Variants in AMACR observed in about 807,000 individuals in gnomAD.
The protein encoded by AMACR is 2-methylacyl-CoA racemase.
AMACR carries 18 observed loss-of-function variants against 22.2 expected under a neutral mutation model. The observed-to-expected ratio is 0.81, with a 90% CI of 0.56 to 1.20. The LOEUF (loss-of-function observed/expected upper bound fraction) is 1.20. AMACR is among the 50% of genes most tolerant of loss of function. The pLI is 0.00. For missense variants in AMACR, 499 were observed against 490.6 expected, an observed-to-expected ratio of 1.02 and a Z score of -0.16; for synonymous variants, 213 against 191.3, an observed-to-expected ratio of 1.11 and a Z score of -0.94.
rs533094975 is a variant in AMACR, at chr5:33,988,654, T to C, written c.*439A>G. 3 of 1,252,522 alleles carry C rather than the reference T, an allele frequency of 2.4e-6. No individual in the cohort carries two copies. The highest frequency in any genetic ancestry group is 3.9e-5 in the Admixed American group (1 of 25,936). The allele number at this position is 1,252,522 out of a possible 1,614,324, so 77.6% of individuals were successfully genotyped here. A position where few individuals can be genotyped will look rare whatever the true frequency, so the allele number is the denominator to read the frequency against. On this transcript the variant is annotated 3_prime_UTR_variant, in exon 5 of 5. Transcript: ENST00000335606. ...TGAACACCAAGACAAAAGGCCTGGA[T>C]GCAACCAATCACTCTGTTTCACGTG... is the stretch of plus-strand genomic sequence containing the variant.
chr5:34,007,933 C>T lies in AMACR; in HGVS notation c.87G>A (p.Ala29=). Reference sequence around the variant, plus strand: ...CGGGCCGGTCCACGCGTACCACACGCGCCCCGAAGTCAGCCAGGACCATAG... The same window carrying T: ...CGGGCCGGTCCACGCGTACCACACGTGCCCCGAAGTCAGCCAGGACCATAG... ...FCAMVLADFG[A]RVVRVDRPGS... is the part of the protein sequence containing the mutation. The change falls in exon 1 of 5, where the codon GCG becomes GCA. Residue 29 remains alanine, a synonymous_variant. Coordinates refer to ENST00000335606, the MANE Select transcript of AMACR (RefSeq NM_014324.6). The T allele has an allele frequency of 6.2e-7, 1 of 1,610,326 alleles. No homozygotes were observed. The highest frequency in any genetic ancestry group is 8.5e-7 in the Non-Finnish European group (1 of 1,179,438).
chr5:34,001,946 GAAGA>G (rs1013992298), intron 3 of AMACR, among the ~76,000 whole-genome samples: 1 of 152,156 alleles, frequency 6.6e-6, no homozygotes, highest in African/African-American at 2.4e-5. Flanking sequence ...TATGAACCCA[GAAGA>G]AAGATTACAA....
At position 34,005,661 on chromosome 5, in the gene AMACR, T is replaced by C. The variant is rs887368280; in HGVS notation, c.391+95A>G. 2.7e-6 allele frequency: 4 copies of C among 1,474,216 alleles called. No individual in the cohort carries two copies. In the African/African-American group the frequency reaches 5.6e-5, roughly 21 times the overall value. 91.3% of individuals were successfully genotyped at this position (1,474,216 alleles called of 1,614,324 possible). ...CTCTTGATTGATTCTGATAAATGTT[T>C]AAATTTTTACCTTTACAAATTATTG... On this transcript the variant is annotated intron_variant, in intron 2 of 4. Coordinates refer to ENST00000335606, the MANE Select transcript of AMACR (RefSeq NM_014324.6).
intron 3 of AMACR, among the ~76,000 whole-genome samples, chr5:34,003,156 CTT>C (rs1183511509): frequency 6.6e-6 from 1 of 152,234 alleles, no homozygotes; most frequent in Non-Finnish European, 1.5e-5. Context: ...CCTTGCTTCT[CTT>C]TTCTGCCCAC....
intron 1 of AMACR, 125 bp downstream of exon 1, chr5:34,007,648 C>G (rs1754024527): frequency 1.5e-6 from 2 of 1,366,120 alleles, no homozygotes; most frequent in Non-Finnish European, 1.9e-6. Flanking sequence ...ATCTGGAAGG[C>G]TGGGGCCGAC....
chr5:33,987,404 A>C lies in AMACR; in HGVS notation c.*1689T>G, dbSNP rs910759278. The stretch of plus-strand genomic sequence containing the variant: ...GCATATTCCTGAGCAAATATTTTCA[A>C]CTGGTATTTCTAAAACTGTGCCAAG... On this transcript the variant is annotated 3_prime_UTR_variant, in exon 5 of 5. Coordinates refer to ENST00000335606, the MANE Select transcript of AMACR (RefSeq NM_014324.6). 6.6e-6 allele frequency: 1 copy of C among 152,270 alleles called. No homozygotes were observed. Among genetic ancestry groups the C allele is most frequent in the African/African-American group, 2.4e-5 (1 of 41,478 alleles). 9.4% of individuals were successfully genotyped at this position (152,270 alleles called of 1,614,324 possible).
At chr5:34,006,982 T>C (rs951680871) in intron 1 of AMACR, among the ~76,000 whole-genome samples, 2 of 152,222 alleles carry the variant, frequency 1.3e-5, no homozygotes, top group African/African-American at 4.8e-5. Flanking sequence ...AGAGAAATAG[T>C]CCGAGTGGGC....
At position 34,004,609 on chromosome 5, in the gene AMACR, G is replaced by A. The variant is rs747997206; in HGVS notation, c.517C>T (p.Arg173Cys). The change falls in exon 3 of 5, where the codon CGC becomes TGC. Residue 173 changes from arginine (R) to cysteine (C), a missense_variant. By Grantham distance (180) the Arg-to-Cys change is radical (BLOSUM62 -3). Transcript: ENST00000335606. ...TCAATGACCTGACCCTTGCCAGTGC[G>A]TGTGCGGTCAAAAAGAGCCATTATA... ...GIIMALFDRT[R>C]TGKGQVIDAN... is the part of the protein sequence containing the mutation. 2.5e-5 allele frequency: 41 copies of A among 1,613,940 alleles called. No homozygotes were observed. Among genetic ancestry groups the A allele is most frequent in the African/African-American group, 5.3e-5 (4 of 74,886 alleles).
chr5:34,007,909 G>C lies in AMACR; in HGVS notation c.111C>G (p.Pro37=), dbSNP rs780618621. 1 of 1,605,946 alleles carries C rather than the reference G, an allele frequency of 6.2e-7. No individual in the cohort carries two copies. The highest frequency in any genetic ancestry group is 8.5e-7 in the Non-Finnish European group (1 of 1,178,042). Residue 37 remains proline (P), a synonymous_variant, in exon 1 of 5, where the codon CCC becomes CCG. Transcript: ENST00000335606. ...FGARVVRVDR[P]GSRYDVSRLG... ...AGCGGCTCACGTCGTAGCGGGAGCC[G>C]GGCCGGTCCACGCGTACCACACGCG...
Position 33,986,923 on chromosome 5 carries a change from T to G in AMACR, c.*2170A>C, listed in dbSNP as rs981583524. Reference sequence around the variant, plus strand: ...AATTCTTTATATTAAATTTCCTCTGTTTTAAAGACTTCGAGTGGGTTATAT... The same window carrying G: ...AATTCTTTATATTAAATTTCCTCTGGTTTAAAGACTTCGAGTGGGTTATAT... On this transcript the variant is annotated 3_prime_UTR_variant, in exon 5 of 5. Transcript: ENST00000335606. The G allele has an allele frequency of 2.6e-5, 4 of 152,192 alleles. No homozygotes were observed. Among genetic ancestry groups the G allele is most frequent in the Admixed American group, 2.6e-4 (4 of 15,286 alleles). The allele number at this position is 152,192 out of a possible 1,614,324, so 9.4% of individuals were successfully genotyped here.
At chr5:33,990,437 A>C (rs1179000998) in intron 4 of AMACR, among the ~76,000 whole-genome samples, 2 of 152,036 alleles carry the variant, frequency 1.3e-5, no homozygotes, top group Non-Finnish European at 2.9e-5. Context: ...CTAGCTCTTG[A>C]CCCCATCTGC....
rs745361517 is a variant in AMACR at position 33,989,045 on chromosome 5, A to G, written c.*48T>C. The G allele has an allele frequency of 1.9e-6, 3 of 1,612,636 alleles. No individual in the cohort carries two copies. The highest frequency in any genetic ancestry group is 2.5e-6 in the Non-Finnish European group (3 of 1,179,542). ...TGCATACAATGTTATGTGTTACTCT[A>G]CACTGTAAATGCAGTATTCAAATTC... is the stretch of plus-strand genomic sequence containing the variant. On this transcript the variant is annotated 3_prime_UTR_variant, in exon 5 of 5. Coordinates refer to ENST00000335606, the MANE Select transcript of AMACR (RefSeq NM_014324.6).
At position 33,999,465 on chromosome 5, in the gene AMACR, C is replaced by T. The variant is rs540365292; in HGVS notation, c.553-638G>A. Among the ~76,000 whole-genome samples, 19 of 152,290 alleles carry T rather than the reference C, an allele frequency of 1.2e-4. 1 individual carries two copies. The highest frequency in any genetic ancestry group is 4.3e-4 in the African/African-American group (18 of 41,550). ...AACTGGTTTGGGAATGCCACCTTCC[C>T]ACTGAGTCCTAAAGTCATCTCATCA... On this transcript the variant is annotated intron_variant, in intron 3 of 4. Transcript: ENST00000335606.
At chr5:33,999,827 G>T (rs1335758151) in intron 3 of AMACR, among the ~76,000 whole-genome samples, 1 of 152,154 alleles carries the variant, frequency 6.6e-6, no homozygotes, top group Non-Finnish European at 1.5e-5. Flanking sequence ...GACATTTATT[G>T]TCACCAAATA....
chr5:34,007,295 T>A (rs1754010318), intron 1 of AMACR, among the ~76,000 whole-genome samples: 1 of 152,184 alleles, frequency 6.6e-6, no homozygotes. Flanking sequence ...AGGGAGCAGA[T>A]GCTGAGACTT....
chr5:34,000,844 T>C lies in AMACR; in HGVS notation c.553-2017A>G, dbSNP rs1047003625. ...GCTTCGTTGGTCTGACAAAATAATA[T>C]ATAAATATTGAATATGTAAACATAA... On this transcript the variant is annotated intron_variant, in intron 3 of 4. Coordinates refer to ENST00000335606, the MANE Select transcript of AMACR (RefSeq NM_014324.6). Among the ~76,000 whole-genome samples the C allele has an allele frequency of 3.3e-5, 5 of 152,218 alleles. No homozygotes were observed. The East Asian group carries it at 9.6e-4, about 29-fold the overall frequency.
At chr5:34,000,882 T>C (rs1223019503) in intron 3 of AMACR, among the ~76,000 whole-genome samples, 1 of 152,210 alleles carries the variant, frequency 6.6e-6, no homozygotes, top group Non-Finnish European at 1.5e-5. Context: ...TGTTTTATGC[T>C]AATAAAATAC....
chr5:33,990,239 A>G (rs546810755), intron 4 of AMACR, among the ~76,000 whole-genome samples: 1 of 152,356 alleles, frequency 6.6e-6, no homozygotes, highest in South Asian at 2.1e-4. Flanking sequence ...AAGGACTTGT[A>G]AGGTAACCAA....
In AMACR at chr5:33,988,337, A is replaced by T. The variant is rs555081325; in HGVS notation, c.*756T>A. The T allele has an allele frequency of 6.5e-7, 1 of 1,541,946 alleles. No individual in the cohort carries two copies. Among genetic ancestry groups the T allele is most frequent in the Non-Finnish European group, 8.7e-7 (1 of 1,149,272 alleles). ...TTCTGGATGTTGCTGTGTGTTGGGT[A>T]TAAGATCCAGAACTTGCTACCAGCC... On this transcript the variant is annotated 3_prime_UTR_variant, in exon 5 of 5. Coordinates refer to ENST00000335606, the MANE Select transcript of AMACR (RefSeq NM_014324.6).
Sources: allele counts gnomAD v4.1 joint callset (sites outside exome capture counted in the v4.1 genomes callset), GRCh38; gene constraint gnomAD v4.1.1; transcripts MANE v1.5; gene names NCBI Gene and HGNC (gene_info 2026-07-23, HGNC 2026-07-21).